Variants in ATRNL1 observed in about 807,000 individuals in gnomAD.
ATRNL1 encodes attractin like 1, also known as attractin-like protein 1.
In ATRNL1, 95 loss-of-function variants were observed where a neutral mutation model predicts 182.7. The ratio of observed to expected loss-of-function variants is 0.52; its 90% CI spans 0.44 to 0.62. The LOEUF is 0.62. Ranked by LOEUF, ATRNL1 falls within the 20% of genes least tolerant of loss-of-function variation. The pLI is 0.00. For synonymous variants in ATRNL1, 576 were observed against 568.3 expected (o/e 1.01, Z -0.19); for missense variants, 1,471 against 1,679.5 (o/e 0.88, Z 2.17).
At chr10:115,097,146 C>A (rs1182820600) in intron 1 of ATRNL1, among the ~76,000 whole-genome samples, 1 of 150,914 alleles carries the variant, frequency 6.6e-6, no homozygotes. Flanking sequence ...ATATTTTTAC[C>A]CCTCTTAGGT....
At chr10:115,251,101 G>A (rs924357011) in intron 10 of ATRNL1, among the ~76,000 whole-genome samples, 5 of 152,124 alleles carry the variant, frequency 3.3e-5, no homozygotes, top group African/African-American at 1.2e-4. Context: ...TATACATCTT[G>A]CACGACACCT....
chr10:115,782,804 A>C (rs1949298661), intron 27 of ATRNL1, among the ~76,000 whole-genome samples: 1 of 152,188 alleles, frequency 6.6e-6, no homozygotes, highest in South Asian at 2.1e-4. Context: ...AAAATATAAG[A>C]GTATAACTAT....
intron 26 of ATRNL1, among the ~76,000 whole-genome samples, chr10:115,551,721 A>G (rs1219163225): frequency 6.6e-6 from 1 of 151,526 alleles, no homozygotes; most frequent in Non-Finnish European, 1.5e-5. Flanking sequence ...TATAGAAACT[A>G]TTCATATATT....
At chr10:115,265,741 A>T (rs1186538020) in intron 11 of ATRNL1, among the ~76,000 whole-genome samples, 2 of 151,804 alleles carry the variant, frequency 1.3e-5, no homozygotes, top group Non-Finnish European at 3.0e-5. Context: ...TAAAATCATT[A>T]TATCCATTGA....
intron 26 of ATRNL1, among the ~76,000 whole-genome samples, chr10:115,623,576 G>A (rs1246498249): frequency 6.6e-6 from 1 of 151,952 alleles, no homozygotes; most frequent in Non-Finnish European, 1.5e-5. Flanking sequence ...TCTCATGTAA[G>A]CAATTTAAGA....
chr10:115,626,740 A>C (rs1351997815), intron 26 of ATRNL1, among the ~76,000 whole-genome samples: 2 of 152,186 alleles, frequency 1.3e-5, no homozygotes, highest in Admixed American at 1.3e-4. Flanking sequence ...GAAAATATTT[A>C]TTACTTATTC....
At chr10:115,432,015 T>C (rs1554964081) in intron 21 of ATRNL1, among the ~76,000 whole-genome samples, 1 of 152,142 alleles carries the variant, frequency 6.6e-6, no homozygotes, top group Admixed American at 6.5e-5. Flanking sequence ...TATGTCAATG[T>C]TGTCCAATAC....
chr10:115,707,201 A>T (rs1384998355), intron 26 of ATRNL1, among the ~76,000 whole-genome samples: 1 of 151,818 alleles, frequency 6.6e-6, no homozygotes, highest in East Asian at 1.9e-4. Flanking sequence ...CTGTTTTCCA[A>T]AATCATTGCA....
At chr10:115,393,752 C>G (rs1554954871) in intron 19 of ATRNL1, among the ~76,000 whole-genome samples, 1 of 152,100 alleles carries the variant, frequency 6.6e-6, no homozygotes, top group African/African-American at 2.4e-5. Flanking sequence ...AAGGAGGGGT[C>G]AGATACAAGA....
chr10:115,831,821 T>TA (rs571845969), intron 27 of ATRNL1, among the ~76,000 whole-genome samples: 4 of 152,098 alleles, frequency 2.6e-5, no homozygotes, highest in African/African-American at 7.2e-5. Flanking sequence ...TTAGGTGCTT[T>TA]AAAAAAGTCA....
chr10:115,459,811 G>T (rs1315289328), intron 21 of ATRNL1, among the ~76,000 whole-genome samples: 1 of 151,990 alleles, frequency 6.6e-6, no homozygotes, highest in Non-Finnish European at 1.5e-5. Context: ...GGCTCATGGG[G>T]CATCACGGAT....
chr10:115,919,326 C>T (rs1952974346), intron 28 of ATRNL1, among the ~76,000 whole-genome samples: 1 of 152,172 alleles, frequency 6.6e-6, no homozygotes, highest in Non-Finnish European at 1.5e-5. Context: ...AAAACATACT[C>T]AGTAAGAAAC....
intron 24 of ATRNL1, among the ~76,000 whole-genome samples, chr10:115,486,749 C>T (rs1849046142): frequency 6.6e-6 from 1 of 151,832 alleles, no homozygotes; most frequent in South Asian, 2.1e-4. Flanking sequence ...AGTTTAGTTT[C>T]CCATTTGTCA....
At chr10:115,788,216 C>G (rs1426993534) in intron 27 of ATRNL1, among the ~76,000 whole-genome samples, 1 of 152,150 alleles carries the variant, frequency 6.6e-6, no homozygotes, top group African/African-American at 2.4e-5. Context: ...GAGTAACATT[C>G]CTCCACTTTG....
intron 28 of ATRNL1, among the ~76,000 whole-genome samples, chr10:115,912,399 C>CACAT (rs1565481294): frequency 8.6e-6 from 1 of 116,752 alleles, no homozygotes; most frequent in African/African-American, 3.0e-5. Context: ...TAGTGAAATA[C>CACAT]ATATATATAT....
At chr10:115,704,117 A>G (rs1272480793) in intron 26 of ATRNL1, among the ~76,000 whole-genome samples, 1 of 152,030 alleles carries the variant, frequency 6.6e-6, no homozygotes, top group Non-Finnish European at 1.5e-5. Context: ...TTGAGACAAC[A>G]GAAATGTATT....
chr10:115,775,287 T>A (rs1225090987), intron 27 of ATRNL1, among the ~76,000 whole-genome samples: 1 of 152,186 alleles, frequency 6.6e-6, no homozygotes, highest in Admixed American at 6.5e-5. Context: ...CTTGGCTGGA[T>A]CTTTTAGAAT....
chr10:115,212,933 A>G (rs1252705861), intron 8 of ATRNL1, among the ~76,000 whole-genome samples: 5 of 152,088 alleles, frequency 3.3e-5, no homozygotes, highest in African/African-American at 9.7e-5. Flanking sequence ...TAATCTATAC[A>G]ACAAACCCCC....
rs1195981772 is a variant in ATRNL1 at position 115,445,323 on chromosome 10, T to A, written c.3323-16618T>A. ...GGCACACGCCTGTAATCCCAGTTAC[T>A]CAGGAGCTGAGGCACAAGAATTGCT... is the stretch of plus-strand genomic sequence containing the variant. On this transcript the variant is annotated intron_variant, in intron 21 of 28. Coordinates refer to ENST00000355044, the MANE Select transcript of ATRNL1 (RefSeq NM_207303.4). Among the ~76,000 whole-genome samples the A allele has an allele frequency of 7.5e-5, 11 of 146,542 alleles. 1 individual carries two copies. The highest frequency in any genetic ancestry group is 2.8e-4 in the African/African-American group (11 of 39,466).
Sources: gnomAD v4.1 joint callset for allele counts (sites outside exome capture counted in the v4.1 genomes callset) on GRCh38, gnomAD v4.1.1 for gene constraint, MANE v1.5 for transcripts, NCBI Gene and HGNC (gene_info 2026-07-23, HGNC 2026-07-21) for gene names.